Variants in CTNNA3 observed in about 807,000 individuals in gnomAD.
The protein encoded by CTNNA3 is catenin alpha 3.
A neutral mutation model predicts 95.7 loss-of-function variants in CTNNA3; 76 were observed. The observed-to-expected ratio is 0.79, with a 90% confidence interval of 0.66 to 0.96. The LOEUF (loss-of-function observed/expected upper bound fraction) is 0.96. CTNNA3 is among the 40% of genes least tolerant of loss of function. The pLI is 0.00. For synonymous variants in CTNNA3, 431 were observed against 374.4 expected (o/e 1.15, Z -1.74); for missense variants, 1,191 against 1,089.8 (o/e 1.09, Z -1.31).
chr10:66,229,842 T>G (rs2089500900), intron 13 of CTNNA3, among the ~76,000 whole-genome samples: 1 of 152,168 alleles, frequency 6.6e-6, no homozygotes, highest in Admixed American at 6.5e-5. Context: ...TTGCTGTAAC[T>G]TCTATAATGT....
At chr10:67,177,366 A>G (rs1862294616) in intron 7 of CTNNA3, among the ~76,000 whole-genome samples, 1 of 152,150 alleles carries the variant, frequency 6.6e-6, no homozygotes, top group Non-Finnish European at 1.5e-5. Context: ...TTCATTTCTC[A>G]TTGCGGAACT....
chr10:66,197,604 A>C (rs1187364108), intron 13 of CTNNA3, among the ~76,000 whole-genome samples: 1 of 152,206 alleles, frequency 6.6e-6, no homozygotes, highest in Non-Finnish European at 1.5e-5. Context: ...TAGTAATATA[A>C]ATCAATATGT....
At chr10:67,345,721 T>C (rs1373090829) in intron 5 of CTNNA3, among the ~76,000 whole-genome samples, 1 of 152,156 alleles carries the variant, frequency 6.6e-6, no homozygotes, top group Non-Finnish European at 1.5e-5. Context: ...TGTGTCTTTA[T>C]AGGTGAAGTG....
At chr10:66,595,406 C>T (rs1336239554) in intron 10 of CTNNA3, among the ~76,000 whole-genome samples, 7 of 151,910 alleles carry the variant, frequency 4.6e-5, no homozygotes, top group Non-Finnish European at 7.4e-5. Context: ...TGCAGTGGCG[C>T]GTTCTTGGCT....
intron 7 of CTNNA3, among the ~76,000 whole-genome samples, chr10:66,933,140 CTA>C (rs1345879948): frequency 1.3e-5 from 2 of 152,174 alleles, no homozygotes; most frequent in Non-Finnish European, 2.9e-5. Context: ...GTTTGTTGTT[CTA>C]TGTTTGGCAT....
intron 1 of CTNNA3, among the ~76,000 whole-genome samples, chr10:67,702,962 G>C (rs1841053004): frequency 1.3e-5 from 2 of 152,150 alleles, no homozygotes; most frequent in South Asian, 4.1e-4. Flanking sequence ...CGACCCCACA[G>C]AAATACAAAC....
chr10:67,014,303 T>A (rs552541193), intron 7 of CTNNA3, among the ~76,000 whole-genome samples: 51 of 152,276 alleles, frequency 3.3e-4, no homozygotes, highest in African/African-American at 1.2e-3. Context: ...ACACAAAAAT[T>A]GTAATTTATG....
chr10:67,444,114 G>A, intron 5 of CTNNA3, among the ~76,000 whole-genome samples: 1 of 152,044 alleles, frequency 6.6e-6, no homozygotes, highest in East Asian at 1.9e-4. Flanking sequence ...TCAGCACAAG[G>A]ATCACTCTCA....
intron 12 of CTNNA3, among the ~76,000 whole-genome samples, chr10:66,291,383 T>G (rs1244974595): frequency 1.3e-5 from 2 of 152,124 alleles, no homozygotes; most frequent in Non-Finnish European, 2.9e-5. Context: ...AGGTCTAAAG[T>G]GCTGCAGAAG....
intron 14 of CTNNA3, among the ~76,000 whole-genome samples, chr10:66,070,508 C>A (rs947600616): frequency 6.6e-6 from 1 of 152,124 alleles, no homozygotes; most frequent in Non-Finnish European, 1.5e-5. Context: ...CTTCTCTTTA[C>A]ATTCTGTATC....
chr10:67,046,530 C>G (rs1168169489), intron 7 of CTNNA3, among the ~76,000 whole-genome samples: 1 of 152,200 alleles, frequency 6.6e-6, no homozygotes, highest in Non-Finnish European at 1.5e-5. Flanking sequence ...AGGAATCTAT[C>G]CGTCTTTCAT....
intron 7 of CTNNA3, among the ~76,000 whole-genome samples, chr10:67,112,384 C>A (rs1347669027): frequency 1.3e-5 from 2 of 151,792 alleles, no homozygotes; most frequent in Non-Finnish European, 2.9e-5. Flanking sequence ...TTATCCATAT[C>A]TTAAGTGTAT....
intron 17 of CTNNA3, 138 bp downstream of exon 17, chr10:65,966,474 T>G (rs1252119824): frequency 3.3e-6 from 2 of 598,876 alleles, no homozygotes; most frequent in Admixed American, 3.3e-5. Flanking sequence ...TTTAAATACA[T>G]GTACTTTTAA....
intron 3 of CTNNA3, among the ~76,000 whole-genome samples, chr10:67,579,824 A>T (rs1397688666): frequency 1.3e-5 from 2 of 151,992 alleles, no homozygotes; most frequent in Admixed American, 6.6e-5. Context: ...GCATTTTTTC[A>T]TGTGTCTGTT....
At chr10:67,079,842 C>T (rs1856954067) in intron 7 of CTNNA3, among the ~76,000 whole-genome samples, 1 of 146,628 alleles carries the variant, frequency 6.8e-6, no homozygotes, top group African/African-American at 2.5e-5. Context: ...AGCGAGACTC[C>T]ATCTCAAAAA....
intron 3 of CTNNA3, among the ~76,000 whole-genome samples, chr10:67,592,682 C>T (rs978270781): frequency 1.3e-5 from 2 of 152,122 alleles, no homozygotes; most frequent in Non-Finnish European, 2.9e-5. Flanking sequence ...AAATTATTTA[C>T]TCAGAGGAAA....
At chr10:66,109,660 A>G (rs1308333347) in intron 13 of CTNNA3, among the ~76,000 whole-genome samples, 1 of 152,196 alleles carries the variant, frequency 6.6e-6, no homozygotes, top group Non-Finnish European at 1.5e-5. Context: ...GCAAATAAGT[A>G]TGTAAACTGA....
intron 3 of CTNNA3, among the ~76,000 whole-genome samples, chr10:67,602,173 G>A (rs1255188605): frequency 7.7e-5 from 10 of 129,768 alleles, no homozygotes; most frequent in Non-Finnish European, 1.6e-5. Context: ...TTCACCTTAT[G>A]CCACTGGACA....
upstream of CTNNA3, chr10:67,696,234 C>T (rs1220563219): frequency 6.6e-6 from 1 of 152,004 alleles, no homozygotes; most frequent in Non-Finnish European, 1.5e-5. Flanking sequence ...AATCCTGAAC[C>T]GCTAGTCACT....
Sources: gnomAD v4.1 joint callset for allele counts (sites outside exome capture counted in the v4.1 genomes callset) on GRCh38, gnomAD v4.1.1 for gene constraint, MANE v1.5 for transcripts, NCBI Gene and HGNC (gene_info 2026-07-23, HGNC 2026-07-21) for gene names.